COL4A4: variants seen among roughly 807,000 people sequenced by gnomAD.
The protein encoded by COL4A4 is collagen alpha-4(IV) chain.
A neutral mutation model predicts 192.9 loss-of-function variants in COL4A4; 105 were observed. That is an observed-to-expected ratio of 0.54 (90% CI 0.46 to 0.64). The LOEUF is 0.64. Ranked by LOEUF, COL4A4 falls within the 30% of genes least tolerant of loss-of-function variation. COL4A4 has a pLI of 0.00. For synonymous variants in COL4A4, 762 were observed against 769.9 expected (o/e 0.99, Z 0.17); for missense variants, 1,967 against 2,169.3 (o/e 0.91, Z 1.85).
chr2:227,078,832 T>C (rs941828177), intron 24 of COL4A4, among the ~76,000 whole-genome samples: 2 of 152,190 alleles, frequency 1.3e-5, no homozygotes, highest in Non-Finnish European at 2.9e-5. Flanking sequence ...TGCATGACAA[T>C]TTGACTTTTG....
intron 1 of COL4A4, among the ~76,000 whole-genome samples, chr2:227,153,101 T>C (rs2064075627): frequency 6.6e-6 from 1 of 152,122 alleles, no homozygotes; most frequent in Non-Finnish European, 1.5e-5. Context: ...GAAAATCCCT[T>C]ATAAAATCAC....
chr2:227,066,991 AC>A (rs1445676967), intron 25 of COL4A4, among the ~76,000 whole-genome samples: 2 of 148,508 alleles, frequency 1.3e-5, no homozygotes, highest in Non-Finnish European at 3.0e-5. Context: ...GCAGAGACAC[AC>A]ATAGGCTCAA....
intron 44 of COL4A4, among the ~76,000 whole-genome samples, chr2:227,017,992 C>T (rs1363401382): frequency 6.6e-6 from 1 of 152,018 alleles, no homozygotes; most frequent in Non-Finnish European, 1.5e-5. Context: ...AGAGAAGATT[C>T]TGAAGGGAAA....
At chr2:227,131,902 G>A (rs999535770) in intron 4 of COL4A4, among the ~76,000 whole-genome samples, 2 of 152,234 alleles carry the variant, frequency 1.3e-5, no homozygotes, top group Non-Finnish European at 2.9e-5. Flanking sequence ...ACACCAGAAG[G>A]AGTGGAAGGA....
chr2:227,041,460 T>G (rs1205208435), intron 37 of COL4A4, among the ~76,000 whole-genome samples: 1 of 151,410 alleles, frequency 6.6e-6, no homozygotes, highest in African/African-American at 2.4e-5. Context: ...GCCAACATGG[T>G]GAAACCCCGT....
chr2:227,099,420 T>C (rs542686261), intron 18 of COL4A4, among the ~76,000 whole-genome samples, 200 bp downstream of exon 18: 7 of 152,284 alleles, frequency 4.6e-5, no homozygotes, highest in Middle Eastern at 3.4e-3. Flanking sequence ...TTCTGAAAGA[T>C]AACAATAAAA....
At chr2:227,156,682 A>G (rs941023793) in intron 1 of COL4A4, among the ~76,000 whole-genome samples, 3 of 152,168 alleles carry the variant, frequency 2.0e-5, no homozygotes, top group Non-Finnish European at 4.4e-5. Flanking sequence ...ATACCACACA[A>G]ACAGTCAGCA....
the COL4A4 span, among the ~76,000 whole-genome samples, chr2:226,990,591 G>A: frequency 6.6e-6 from 1 of 152,054 alleles, no homozygotes; most frequent in Non-Finnish European, 1.5e-5. Context: ...ATCAACTCAT[G>A]GTGTTCCTTT....
At chr2:227,043,526 CTTAA>C (rs1971865966) in intron 35 of COL4A4, among the ~76,000 whole-genome samples, 2 of 152,106 alleles carry the variant, frequency 1.3e-5, no homozygotes, top group African/African-American at 4.8e-5. Flanking sequence ...TTGAGTCAAT[CTTAA>C]TTAAATTAAC....
intron 20 of COL4A4, 83 bp from the exon 21 acceptor site, chr2:227,090,040 C>T (rs2059829500): frequency 1.9e-6 from 2 of 1,044,250 alleles, no homozygotes; most frequent in Non-Finnish European, 1.5e-6. Flanking sequence ...CTTTTGCACT[C>T]ACATCCTCCC....
rs552190866 is a variant in COL4A4, at chr2:227,113,543, T to A, written c.558+1085A>T. ...AGGGTAAATATTATTTTAATCTTCT[T>A]TCACAAATAACGAACATGAGGCTGA... On this transcript the variant is annotated intron_variant, in intron 8 of 47. Coordinates refer to ENST00000396625, the MANE Select transcript of COL4A4 (RefSeq NM_000092.5). 7.9e-5 allele frequency among the ~76,000 whole-genome samples: 12 copies of A among 152,252 alleles called. No individual in the cohort carries two copies. In the South Asian group the frequency reaches 1.5e-3, roughly 18 times the overall value.
intron 25 of COL4A4, 43 bp from the exon 26 acceptor site, chr2:227,062,641 C>T: frequency 7.5e-7 from 1 of 1,328,346 alleles, no homozygotes; most frequent in Non-Finnish European, 1.1e-6. Context: ...AACTGATAGC[C>T]CAGTGCAATG....
chr2:227,058,634 G>A (rs1976104123), intron 28 of COL4A4, among the ~76,000 whole-genome samples: 1 of 152,114 alleles, frequency 6.6e-6, no homozygotes, highest in South Asian at 2.1e-4. Context: ...AATGTTCTTT[G>A]TAAACATCTG....
At chr2:227,088,547 T>C in intron 22 of COL4A4, 106 bp downstream of exon 22, 1 of 1,439,142 alleles carries the variant, frequency 6.9e-7, no homozygotes, top group Non-Finnish European at 9.8e-7. Flanking sequence ...TAAACCTCTT[T>C]CCTTAATAAA....
chr2:227,113,707 C>T (rs1024592245), intron 8 of COL4A4, among the ~76,000 whole-genome samples: 1 of 152,134 alleles, frequency 6.6e-6, no homozygotes, highest in African/African-American at 2.4e-5. Flanking sequence ...ATAAACAAAT[C>T]CATCGTTCTT....
intron 44 of COL4A4, among the ~76,000 whole-genome samples, chr2:227,020,996 G>C (rs1023181304): frequency 2.0e-5 from 3 of 150,452 alleles, no homozygotes; most frequent in Non-Finnish European, 2.9e-5. Flanking sequence ...CTCCCAGGTG[G>C]CTGGGATTAC....
rs771064865 is a variant in COL4A4 at position 227,054,678 on chromosome 2, C to T, written c.2776G>A (p.Glu926Lys). 45 of 1,614,140 alleles carry T rather than the reference C, an allele frequency of 2.8e-5. No homozygotes were observed. The African/African-American group carries it at 3.7e-4, about 13-fold the overall frequency. ...TCTCCCTTTGCGCCAGGACATCCCTCTGCACCAGGCTTTCCTCTTTCTCCG... is the reference window on the plus strand; with the variant it reads ...TCTCCCTTTGCGCCAGGACATCCCTTTGCACCAGGCTTTCCTCTTTCTCCG... ...FPGERGKPGA[E>K]GCPGAKGEPG... The change falls in exon 31 of 48, where the codon GAG (glutamate) becomes AAG (lysine). Residue 926 changes from glutamate (E) to lysine (K), a missense_variant. Physicochemically the swap from Glu to Lys is moderately conservative, Grantham distance 56. Coordinates refer to ENST00000396625, the MANE Select transcript of COL4A4 (RefSeq NM_000092.5).
At chr2:226,994,750 GCTTT>G in the COL4A4 span, among the ~76,000 whole-genome samples, 4 of 152,130 alleles carry the variant, frequency 2.6e-5, no homozygotes, top group Non-Finnish European at 5.9e-5. Context: ...CTGGGAGAAT[GCTTT>G]CTTATGTAGT....
At chr2:227,140,835 C>T (rs1182595901) in intron 3 of COL4A4, among the ~76,000 whole-genome samples, 2 of 151,074 alleles carry the variant, frequency 1.3e-5, no homozygotes, top group African/African-American at 4.9e-5. Flanking sequence ...TGGACCTTTT[C>T]CCCACTTTTA....
Sources: gnomAD v4.1 joint callset for allele counts (sites outside exome capture counted in the v4.1 genomes callset) on GRCh38, gnomAD v4.1.1 for gene constraint, MANE v1.5 for transcripts, NCBI Gene and HGNC (gene_info 2026-07-23, HGNC 2026-07-21) for gene names.